SLX4IP: variants seen among roughly 807,000 people sequenced by gnomAD.
SLX4IP encodes protein SLX4IP.
In SLX4IP, 34 loss-of-function variants were observed where a neutral mutation model predicts 32.9. The ratio of observed to expected loss-of-function variants is 1.03; its 90% CI spans 0.79 to 1.38. SLX4IP has a LOEUF of 1.38. SLX4IP is among the 40% of genes most tolerant of loss of function. The probability of loss-of-function intolerance (pLI) is 0.00; values close to 1 mark genes in which losing one functional copy is unlikely to be tolerated. For missense variants in SLX4IP, 444 were observed against 479.0 expected, an observed-to-expected ratio of 0.93 and a Z score of 0.68; for synonymous variants, 172 against 171.7, an observed-to-expected ratio of 1.00 and a Z score of -0.01.
At chr20:10,533,245 A>C (rs1316857684) in intron 2 of SLX4IP, among the ~76,000 whole-genome samples, 1 of 152,184 alleles carries the variant, frequency 6.6e-6, no homozygotes, top group Non-Finnish European at 1.5e-5. Flanking sequence ...TGTTCAGTGC[A>C]TGAAAATTTG....
intron 7 of SLX4IP, among the ~76,000 whole-genome samples, chr20:10,622,336 A>G (rs1428490144): frequency 2.6e-5 from 4 of 152,146 alleles, no homozygotes; most frequent in Admixed American, 2.0e-4. Flanking sequence ...AAAAATCAGT[A>G]TATAGGCAGT....
chr20:10,543,265 T>G (rs1293882939), intron 2 of SLX4IP, among the ~76,000 whole-genome samples: 2 of 152,200 alleles, frequency 1.3e-5, no homozygotes, highest in Non-Finnish European at 2.9e-5. Context: ...TGACCTGAAC[T>G]GGAAGAATGG....
chr20:10,458,449 A>C (rs952672533), intron 2 of SLX4IP, among the ~76,000 whole-genome samples: 1 of 151,998 alleles, frequency 6.6e-6, no homozygotes, highest in Non-Finnish European at 1.5e-5. Flanking sequence ...GGTTTGTTGC[A>C]CAGATCATCC....
intron 2 of SLX4IP, among the ~76,000 whole-genome samples, chr20:10,474,645 T>TGGGCTG (rs948154303): frequency 2.0e-5 from 3 of 152,254 alleles, no homozygotes; most frequent in Non-Finnish European, 4.4e-5. Context: ...CTTGGGGGCC[T>TGGGCTG]GGGCTGGGGC....
chr20:10,565,080 C>T (rs945289430), intron 4 of SLX4IP, among the ~76,000 whole-genome samples: 9 of 152,062 alleles, frequency 5.9e-5, no homozygotes, highest in Admixed American at 2.6e-4. Flanking sequence ...GGTCGAGGCC[C>T]GTCTTGATCA....
intron 2 of SLX4IP, among the ~76,000 whole-genome samples, chr20:10,462,988 G>A (rs1330673877): frequency 1.3e-5 from 2 of 152,206 alleles, no homozygotes; most frequent in Non-Finnish European, 2.9e-5. Context: ...GGGAGGCTGA[G>A]GCAGAAGATT....
At position 10,627,351 on chromosome 20, in the gene SLX4IP, G is replaced by C. The variant is rs2067184780; in HGVS notation, c.*3972G>C. On this transcript the variant is annotated 3_prime_UTR_variant, in exon 8 of 8. Transcript: ENST00000334534. ...TGAAGCAAGTAAAAAATCAAAATTAGGTTGGTTTATCTTAAATAGTTAAAA... is the reference window on the plus strand; with the variant it reads ...TGAAGCAAGTAAAAAATCAAAATTACGTTGGTTTATCTTAAATAGTTAAAA... 6.6e-6 allele frequency: 1 copy of C among 152,154 alleles called. No individual in the cohort carries two copies. The highest frequency in any genetic ancestry group is 1.5e-5 in the Non-Finnish European group (1 of 68,026). 9.4% of individuals were successfully genotyped at this position (152,154 alleles called of 1,614,324 possible). A position where few individuals can be genotyped will look rare whatever the true frequency, so the allele number is the denominator to read the frequency against.
intron 6 of SLX4IP, among the ~76,000 whole-genome samples, chr20:10,618,212 C>T (rs2067061807): frequency 6.6e-6 from 1 of 152,148 alleles, no homozygotes; most frequent in Admixed American, 6.5e-5. Flanking sequence ...CTCCAGAGTA[C>T]CCCCAAAGAT....
At chr20:10,487,687 A>G (rs1238012219) in intron 2 of SLX4IP, among the ~76,000 whole-genome samples, 1 of 152,112 alleles carries the variant, frequency 6.6e-6, no homozygotes, top group East Asian at 1.9e-4. Flanking sequence ...TCTCGCACAC[A>G]TGTTTCTTTT....
At chr20:10,476,142 C>CTA (rs2065474084) in intron 2 of SLX4IP, among the ~76,000 whole-genome samples, 1 of 150,824 alleles carries the variant, frequency 6.6e-6, no homozygotes, top group Non-Finnish European at 1.5e-5. Context: ...ACATCCCTCA[C>CTA]TGTGTGTGTG....
chr20:10,512,299 T>G (rs1204961331), intron 2 of SLX4IP, among the ~76,000 whole-genome samples: 2 of 152,218 alleles, frequency 1.3e-5, no homozygotes, highest in East Asian at 3.8e-4. Context: ...AAGTGGGTGC[T>G]AAGTAGGAGA....
At chr20:10,513,988 G>A (rs549654766) in intron 2 of SLX4IP, among the ~76,000 whole-genome samples, 6 of 152,266 alleles carry the variant, frequency 3.9e-5, no homozygotes, top group African/African-American at 1.4e-4. Flanking sequence ...ATAAACCTAT[G>A]CCAAAAGGAA....
intron 2 of SLX4IP, among the ~76,000 whole-genome samples, chr20:10,520,620 T>G (rs555536150): frequency 6.6e-6 from 1 of 152,358 alleles, no homozygotes; most frequent in South Asian, 2.1e-4. Flanking sequence ...ACTTATGTTT[T>G]CTTCTAAGAG....
At chr20:10,613,669 G>A in intron 6 of SLX4IP, 3 of 1,613,524 alleles carry the variant, frequency 1.9e-6, no homozygotes, top group Non-Finnish European at 2.5e-6. Flanking sequence ...TTCATCTTTT[G>A]TGTTGATTCT....
intron 4 of SLX4IP, among the ~76,000 whole-genome samples, chr20:10,561,519 T>C (rs2122503273): frequency 6.6e-6 from 1 of 151,762 alleles, no homozygotes; most frequent in African/African-American, 2.4e-5. Context: ...AATTTTAATA[T>C]GTCTATATAT....
chr20:10,534,667 A>T (rs143228648), intron 2 of SLX4IP, among the ~76,000 whole-genome samples: 1 of 152,088 alleles, frequency 6.6e-6, no homozygotes, highest in Non-Finnish European at 1.5e-5. Context: ...CGTCTGGGGT[A>T]TGCTCAATAA....
chr20:10,520,628 G>C (rs1364076669), intron 2 of SLX4IP, among the ~76,000 whole-genome samples: 1 of 152,108 alleles, frequency 6.6e-6, no homozygotes, highest in Non-Finnish European at 1.5e-5. Context: ...TTTCTTCTAA[G>C]AGTTTTAGAG....
intron 2 of SLX4IP, among the ~76,000 whole-genome samples, chr20:10,489,182 C>T (rs1333862388): frequency 4.6e-5 from 7 of 152,266 alleles, no homozygotes; most frequent in South Asian, 4.1e-4. Flanking sequence ...CAAACGTTCA[C>T]ATAAGTCGAG....
At chr20:10,594,510 G>A (rs1403908470) in intron 4 of SLX4IP, among the ~76,000 whole-genome samples, 1 of 152,208 alleles carries the variant, frequency 6.6e-6, no homozygotes, top group Non-Finnish European at 1.5e-5. Context: ...GCAGCTGTGG[G>A]GAAGCTCAAG....
Sources: gnomAD v4.1 joint callset for allele counts (sites outside exome capture counted in the v4.1 genomes callset) on GRCh38, gnomAD v4.1.1 for gene constraint, MANE v1.5 for transcripts, NCBI Gene and HGNC (gene_info 2026-07-23, HGNC 2026-07-21) for gene names.